The following KSR2 variants were observed in gnomAD, a reference collection of about 807,000 sequenced individuals.
KSR2 encodes the protein kinase suppressor of ras 2.
Under a neutral mutation model 107.8 loss-of-function variants are expected in KSR2, and 25 were observed. The observed-to-expected ratio is 0.23, with a 90% CI of 0.17 to 0.32. The LOEUF (loss-of-function observed/expected upper bound fraction) is 0.32. KSR2 is among the 10% of genes least tolerant of loss of function. KSR2 has a pLI of 1.00. For synonymous variants in KSR2, 480 were observed against 507.0 expected (o/e 0.95, Z 0.71); for missense variants, 887 against 1,268.9 (o/e 0.70, Z 4.57).
In KSR2 at chr12:117,911,095, A is replaced by G. The variant is rs147969717; in HGVS notation, c.181-50664T>C. ...TCATCTCTTCTGTTAAACCTTATCT[A>G]TGGTAGATCATTTTACTGTTCTGCA... On this transcript the variant is annotated intron_variant, in intron 1 of 19. Transcript: ENST00000339824. 6.3e-3 allele frequency among the ~76,000 whole-genome samples: 954 copies of G among 152,022 alleles called. 9 individuals are homozygous for G. The highest frequency in any genetic ancestry group is 0.021 in the African/African-American group (889 of 41,420).
At chr12:117,684,182 C>A (rs1001869682) in intron 4 of KSR2, among the ~76,000 whole-genome samples, 8 of 152,156 alleles carry the variant, frequency 5.3e-5, no homozygotes, top group African/African-American at 1.4e-4. Flanking sequence ...CTCATCCTGA[C>A]CCACCCCTCC....
intron 7 of KSR2, among the ~76,000 whole-genome samples, chr12:117,577,011 G>A (rs1879322119): frequency 6.6e-6 from 1 of 152,156 alleles, no homozygotes. Context: ...CAGGAGGAAA[G>A]GATGCTCAAC....
intron 5 of KSR2, among the ~76,000 whole-genome samples, chr12:117,640,033 G>T (rs976355880): frequency 6.6e-6 from 1 of 152,094 alleles, no homozygotes; most frequent in Non-Finnish European, 1.5e-5. Context: ...TCTCAGGGAG[G>T]TTGACTAACC....
chr12:117,729,671 T>C (rs752023207), intron 4 of KSR2, among the ~76,000 whole-genome samples: 2 of 152,154 alleles, frequency 1.3e-5, no homozygotes, highest in South Asian at 4.1e-4. Flanking sequence ...CATTTAACCA[T>C]GCATCCATCC....
chr12:117,467,463 GAGACGAA>G (rs1871206266), intron 19 of KSR2, among the ~76,000 whole-genome samples: 1 of 152,258 alleles, frequency 6.6e-6, no homozygotes, highest in Admixed American at 6.5e-5. Flanking sequence ...AAAATAATCA[GAGACGAA>G]CTTCTACGAC....
chr12:117,575,313 A>G (rs998846426), intron 7 of KSR2, among the ~76,000 whole-genome samples: 6 of 152,214 alleles, frequency 3.9e-5, no homozygotes, highest in African/African-American at 1.4e-4. Flanking sequence ...CTCATTTTCT[A>G]CAAGAAGCTG....
intron 13 of KSR2, 75 bp from the exon 14 acceptor site, chr12:117,525,294 C>T: frequency 6.8e-7 from 1 of 1,465,262 alleles, no homozygotes; most frequent in Non-Finnish European, 9.1e-7. Context: ...CTGCTGGGTC[C>T]CGTGCACATG....
chr12:117,578,601 C>CAAAA (rs66919524), intron 7 of KSR2, among the ~76,000 whole-genome samples: 12 of 104,002 alleles, frequency 1.2e-4, no homozygotes, highest in African/African-American at 2.4e-4. Context: ...GACTCCATCT[C>CAAAA]AAAAAAAAAA....
At chr12:117,952,781 C>T (rs759579974) in intron 1 of KSR2, among the ~76,000 whole-genome samples, 10 of 152,052 alleles carry the variant, frequency 6.6e-5, no homozygotes, top group South Asian at 2.1e-4. Flanking sequence ...GTCAAGAGTT[C>T]GAGACCAGCC....
chr12:117,527,200 C>G, intron 12 of KSR2, 81 bp from the exon 13 acceptor site: 1 of 1,030,632 alleles, frequency 9.7e-7, no homozygotes, highest in Non-Finnish European at 1.5e-6. Flanking sequence ...ACGAAGAATC[C>G]CCAGATCGGA....
chr12:117,499,267 T>G lies in KSR2; in HGVS notation c.2220-13576A>C, dbSNP rs535268448. ...ATGCATTAAAAATCCAGGGAGAGGA[T>G]AGCCCCCACGGTGTTAGCAGAGCTA... On this transcript the variant is annotated intron_variant, in intron 14 of 19. Coordinates refer to ENST00000339824, the MANE Select transcript of KSR2 (RefSeq NM_173598.6). Among the ~76,000 whole-genome samples the G allele has an allele frequency of 7.9e-5, 12 of 152,368 alleles. No homozygotes were observed. The East Asian group carries it at 2.1e-3, about 27-fold the overall frequency.
At chr12:117,836,560 G>C (rs1892221910) in intron 3 of KSR2, among the ~76,000 whole-genome samples, 1 of 152,176 alleles carries the variant, frequency 6.6e-6, no homozygotes, top group South Asian at 2.1e-4. Context: ...CTGTTTCAAA[G>C]ACAGAGGTTC....
At chr12:117,485,324 C>T (rs1022384894) in intron 15 of KSR2, among the ~76,000 whole-genome samples, 2 of 152,140 alleles carry the variant, frequency 1.3e-5, no homozygotes, top group Non-Finnish European at 2.9e-5. Context: ...TTGTATGTGA[C>T]CCCTGGTCCT....
At chr12:117,749,007 A>G (rs528661652) in intron 4 of KSR2, among the ~76,000 whole-genome samples, 1 of 151,444 alleles carries the variant, frequency 6.6e-6, no homozygotes, top group African/African-American at 2.4e-5. Context: ...CTCTGAGGGC[A>G]TATTTATGCA....
At chr12:117,479,451 G>A (rs1872015175) in intron 16 of KSR2, among the ~76,000 whole-genome samples, 1 of 152,204 alleles carries the variant, frequency 6.6e-6, no homozygotes, top group African/African-American at 2.4e-5. Flanking sequence ...GGTCTGGGCA[G>A]TTCTTTGTTG....
intron 3 of KSR2, among the ~76,000 whole-genome samples, chr12:117,818,259 C>G (rs1380728994): frequency 6.6e-6 from 1 of 152,130 alleles, no homozygotes; most frequent in Admixed American, 6.5e-5. Context: ...TCCTACCCCA[C>G]TGATCACCGA....
chr12:117,454,401 G>T lies in KSR2; in HGVS notation c.*12798C>A, dbSNP rs893745431. The T allele has an allele frequency of 6.6e-5, 10 of 152,216 alleles. No homozygotes were observed. Among genetic ancestry groups the T allele is most frequent in the African/African-American group, 2.4e-4 (10 of 41,458 alleles). 9.4% of individuals were successfully genotyped at this position (152,216 alleles called of 1,614,324 possible). A position where few individuals can be genotyped will look rare whatever the true frequency, so the allele number is the denominator to read the frequency against. Reference sequence around the variant, plus strand: ...GCAGATAAACAAGCCTCGCTAATTTGCAGTAGCCACATATACCCTGGGAGT... The same window carrying T: ...GCAGATAAACAAGCCTCGCTAATTTTCAGTAGCCACATATACCCTGGGAGT... On this transcript the variant is annotated 3_prime_UTR_variant, in exon 20 of 20. Transcript: ENST00000339824.
At chr12:117,527,379 A>C (rs1233893490) in intron 12 of KSR2, among the ~76,000 whole-genome samples, 4 of 151,596 alleles carry the variant, frequency 2.6e-5, no homozygotes, top group Non-Finnish European at 5.9e-5. Flanking sequence ...CACAGTGCGC[A>C]AGGACCTTGT....
chr12:117,793,118 A>ACACC (rs35714783), intron 3 of KSR2, among the ~76,000 whole-genome samples: 3 of 144,560 alleles, frequency 2.1e-5, no homozygotes, highest in Non-Finnish European at 3.0e-5. Context: ...ACGTGCACAC[A>ACACC]AACATGCACA....
Sources: allele counts gnomAD v4.1 joint callset (sites outside exome capture counted in the v4.1 genomes callset), GRCh38; gene constraint gnomAD v4.1.1; transcripts MANE v1.5; gene names NCBI Gene and HGNC (gene_info 2026-07-23, HGNC 2026-07-21).